Variants in ABAT observed in about 807,000 individuals in gnomAD.
The protein encoded by ABAT is 4-aminobutyrate aminotransferase.
Under a neutral mutation model 64.6 loss-of-function variants are expected in ABAT, and 45 were observed. The ratio of observed to expected loss-of-function variants is 0.70; its 90% CI spans 0.55 to 0.89. The LOEUF is 0.89. Among genes scored for constraint, ABAT ranks in the 40% least tolerant of loss-of-function variants. ABAT has a pLI of 0.00. For synonymous variants in ABAT, 297 were observed against 250.5 expected (o/e 1.19, Z -1.75); for missense variants, 633 against 658.4 (o/e 0.96, Z 0.42).
At chr16:8,674,855 C>A (rs1468337013) in intron 1 of ABAT, 144 bp downstream of exon 1, 2 of 152,442 alleles carry the variant, frequency 1.3e-5, no homozygotes. Flanking sequence ...CGGGGCCCTC[C>A]CCCGAAAAGA....
chr16:8,702,065 A>G (rs1001769370), intron 1 of ABAT, among the ~76,000 whole-genome samples: 2 of 152,176 alleles, frequency 1.3e-5, no homozygotes, highest in South Asian at 4.1e-4. Context: ...ACTGCTATAA[A>G]GAAATAACTG....
chr16:8,682,233 G>C (rs1302048571), intron 1 of ABAT, among the ~76,000 whole-genome samples: 2 of 119,946 alleles, frequency 1.7e-5, no homozygotes, highest in Non-Finnish European at 3.7e-5. Context: ...ACACAGAGGA[G>C]GCATTCAGGA....
Position 8,772,758 on chromosome 16 carries a change from C to A in ABAT, c.817-22C>A, listed in dbSNP as rs775929114. 4 of 1,613,858 alleles carry A rather than the reference C, an allele frequency of 2.5e-6. No homozygotes were observed. The African/African-American group carries it at 4.0e-5, about 16-fold the overall frequency. ...GTCACAAGCCTCTGCCATCGGTGGT[C>A]ACTTTCCCCTTTGGGATCCAGGTGG... On this transcript the variant is annotated intron_variant, in intron 11 of 15. Coordinates refer to ENST00000268251, the MANE Select transcript of ABAT (RefSeq NM_020686.6).
At chr16:8,746,534 C>A (rs1352899580) in intron 3 of ABAT, among the ~76,000 whole-genome samples, 1 of 151,638 alleles carries the variant, frequency 6.6e-6, no homozygotes, top group African/African-American at 2.4e-5. Flanking sequence ...GCACGCACCA[C>A]CACGCCTGGC....
chr16:8,761,907 C>T (rs2059807480), intron 6 of ABAT, among the ~76,000 whole-genome samples: 1 of 152,200 alleles, frequency 6.6e-6, no homozygotes, highest in Non-Finnish European at 1.5e-5. Flanking sequence ...AAAAATGAAA[C>T]CATGTCCCTT....
At chr16:8,754,353 TCAAA>T (rs2059581515) in intron 5 of ABAT, among the ~76,000 whole-genome samples, 1 of 151,970 alleles carries the variant, frequency 6.6e-6, no homozygotes, top group African/African-American at 2.4e-5. Context: ...AGACCATGTC[TCAAA>T]CAAAGAAAAC....
chr16:8,711,726 A>ATGACTGGATGGATG (rs1489993719), intron 1 of ABAT, among the ~76,000 whole-genome samples: 1,116 of 91,862 alleles, frequency 0.012, 8 homozygotes, highest in Middle Eastern at 0.029. Context: ...ATGGATGGGA[A>ATGACTGGATGGATG]GATGGATGGG....
chr16:8,777,717 T>C (rs938687365), intron 14 of ABAT, among the ~76,000 whole-genome samples: 3 of 152,150 alleles, frequency 2.0e-5, no homozygotes, highest in Non-Finnish European at 4.4e-5. Context: ...AATTGACAAG[T>C]GCAAGGAACA....
rs2059614309 is a variant in ABAT, at chr16:8,755,139, TG to T, written c.317-2617del. Among the ~76,000 whole-genome samples the T allele has an allele frequency of 3.3e-5, 5 of 150,012 alleles. No homozygotes were observed. In the South Asian group the frequency reaches 1.0e-3, roughly 31 times the overall value. ...AAGAATATAGTCGTTGATTCGTTTT[TG>T]TTTTTTTTTAACTCTCTGAGGCATG... is the stretch of plus-strand genomic sequence containing the variant. On this transcript the variant is annotated intron_variant, in intron 5 of 15. Coordinates refer to ENST00000268251, the MANE Select transcript of ABAT (RefSeq NM_020686.6).
At chr16:8,692,108 C>T (rs1372397602) in intron 1 of ABAT, among the ~76,000 whole-genome samples, 2 of 152,068 alleles carry the variant, frequency 1.3e-5, no homozygotes, top group Admixed American at 6.6e-5. Context: ...GGCCAGTCGC[C>T]GTGGGCTCAT....
At chr16:8,685,610 A>G (rs2057436892) in intron 1 of ABAT, among the ~76,000 whole-genome samples, 1 of 151,484 alleles carries the variant, frequency 6.6e-6, no homozygotes, top group Non-Finnish European at 1.5e-5. Flanking sequence ...CGGGAGGCGG[A>G]GGTTGCAGTG....
At chr16:8,693,860 G>C (rs1473085793) in intron 1 of ABAT, among the ~76,000 whole-genome samples, 1 of 152,046 alleles carries the variant, frequency 6.6e-6, no homozygotes, top group African/African-American at 2.4e-5. Flanking sequence ...GATTAGTGTA[G>C]ATTCACACAC....
rs1235792180 is a variant in ABAT at position 8,781,382 on chromosome 16, T to C, written c.1455T>C (p.Ala485=). Residue 485 remains alanine (A), a synonymous_variant, in exon 16 of 16, where the codon GCT becomes GCC. Transcript: ENST00000268251. The surrounding 1 kb of genome is among the most constrained non-coding windows in gnomAD (Gnocchi z 4.5). ...RPTLVFRDHH[A]HLFLNIFSDI... is the part of the protein sequence containing the mutation. ...CGCTGGTCTTCAGGGATCACCACGC[T>C]CACCTGTTCCTCAATATTTTCAGTG... is the stretch of plus-strand genomic sequence containing the variant. 6.2e-7 allele frequency: 1 copy of C among 1,614,210 alleles called. No homozygotes were observed.
Position 8,699,353 on chromosome 16 carries a change from G to A in ABAT, c.-42+24642G>A, listed in dbSNP as rs8052707. 5.0e-3 allele frequency among the ~76,000 whole-genome samples: 755 copies of A among 151,976 alleles called. 10 individuals carry two copies. The highest frequency in any genetic ancestry group is 0.018 in the African/African-American group (727 of 41,464). Reference sequence around the variant, plus strand: ...TTTTAAAGGGCCTCGGATCACCTAAGGTCAGGAGTTCAAGACCAGCCTGGG... The same window carrying A: ...TTTTAAAGGGCCTCGGATCACCTAAAGTCAGGAGTTCAAGACCAGCCTGGG... On this transcript the variant is annotated intron_variant, in intron 1 of 15. Coordinates refer to ENST00000268251, the MANE Select transcript of ABAT (RefSeq NM_020686.6).
chr16:8,711,700 T>TTGGA (rs1358384365), intron 1 of ABAT, among the ~76,000 whole-genome samples: 9 of 45,166 alleles, frequency 2.0e-4, no homozygotes, highest in Admixed American at 5.5e-4. Flanking sequence ...GGATGGATGA[T>TTGGA]TGGATGGATG....
chr16:8,775,303 TATC>T (rs2060234914), intron 13 of ABAT, among the ~76,000 whole-genome samples: 1 of 152,178 alleles, frequency 6.6e-6, no homozygotes, highest in Non-Finnish European at 1.5e-5. Context: ...CACACAATAA[TATC>T]ATCGACAGCT....
At chr16:8,706,105 C>T (rs2057934699) in intron 1 of ABAT, among the ~76,000 whole-genome samples, 1 of 151,990 alleles carries the variant, frequency 6.6e-6, no homozygotes, top group Non-Finnish European at 1.5e-5. Flanking sequence ...GCATGGAAGG[C>T]GTACATTAAA....
chr16:8,733,883 T>C (rs1320362869), intron 1 of ABAT, among the ~76,000 whole-genome samples: 10 of 152,256 alleles, frequency 6.6e-5, no homozygotes, highest in Admixed American at 6.5e-4. Flanking sequence ...ACAGGAATCA[T>C]GCAGTATCTG....
intron 1 of ABAT, among the ~76,000 whole-genome samples, chr16:8,729,912 C>T (rs1048588660): frequency 1.3e-5 from 2 of 151,346 alleles, no homozygotes; most frequent in African/African-American, 4.9e-5. Context: ...CCAGCCCTGT[C>T]TAGTCAACCA....
Sources: allele counts gnomAD v4.1 joint callset (sites outside exome capture counted in the v4.1 genomes callset), GRCh38; gene constraint gnomAD v4.1.1; non-coding constraint Gnocchi (gnomAD v3.1); transcripts MANE v1.5; gene names NCBI Gene and HGNC (gene_info 2026-07-23, HGNC 2026-07-21).